Variants in DNAI1 observed in about 807,000 individuals in gnomAD.
The protein encoded by DNAI1 is dynein axonemal intermediate chain 1, also known as dynein, axonemal, intermediate polypeptide 1.
DNAI1 carries 67 observed loss-of-function variants against 92.0 expected under a neutral mutation model. That is an observed-to-expected ratio of 0.73 (90% CI 0.60 to 0.89). The LOEUF (loss-of-function observed/expected upper bound fraction) is 0.89, where lower values mean the gene tolerates loss of function less well. Ranked by LOEUF, DNAI1 falls within the 40% of genes least tolerant of loss-of-function variation. The pLI, the probability that DNAI1 is intolerant of heterozygous loss-of-function variation, is 0.00. For missense variants in DNAI1, 839 were observed against 866.6 expected (o/e 0.97, Z 0.40); for synonymous variants, 323 against 319.6 (o/e 1.01, Z -0.11).
At chr9:34,481,235 T>C (rs1225490595) in intron 1 of DNAI1, among the ~76,000 whole-genome samples, 3 of 152,240 alleles carry the variant, frequency 2.0e-5, no homozygotes, top group African/African-American at 7.2e-5. Context: ...AGAGTGAAAC[T>C]CTGTCTCAAA....
chr9:34,505,883 A>C (rs759814369), intron 12 of DNAI1, among the ~76,000 whole-genome samples: 7 of 152,210 alleles, frequency 4.6e-5, no homozygotes, highest in Non-Finnish European at 1.0e-4. Context: ...CTGGTGGCGG[A>C]AGGGCTGGGA....
chr9:34,506,578 G>T, intron 12 of DNAI1, 49 bp from the exon 13 acceptor site: 1 of 1,613,022 alleles, frequency 6.2e-7, no homozygotes, highest in South Asian at 1.1e-5. Flanking sequence ...GCTTCTCCAG[G>T]CAGGGCAGTT....
intron 6 of DNAI1, 24 bp downstream of exon 6, chr9:34,490,148 T>C (rs1161306773): frequency 6.2e-7 from 1 of 1,613,498 alleles, no homozygotes; most frequent in South Asian, 1.1e-5. Context: ...TCGCTCTGTG[T>C]CCCTCTTCTT....
At chr9:34,506,914 A>T (rs1824946425) in intron 13 of DNAI1, 40 bp downstream of exon 13, 7 of 1,603,460 alleles carry the variant, frequency 4.4e-6, no homozygotes, top group Non-Finnish European at 6.0e-6. Flanking sequence ...TGGGAGCAGC[A>T]TGTGGGCCTG....
At chr9:34,467,573 C>T (rs1824061483) in intron 1 of DNAI1, among the ~76,000 whole-genome samples, 1 of 152,064 alleles carries the variant, frequency 6.6e-6, no homozygotes, top group South Asian at 2.1e-4. Context: ...TTCAAGACTC[C>T]AGTGAGCTAT....
At chr9:34,464,621 A>G (rs1486485120) in intron 1 of DNAI1, among the ~76,000 whole-genome samples, 3 of 152,018 alleles carry the variant, frequency 2.0e-5, no homozygotes, top group Non-Finnish European at 4.4e-5. Context: ...ACGGTTTGTA[A>G]TTATTCACTT....
intron 19 of DNAI1, among the ~76,000 whole-genome samples, chr9:34,517,669 C>T (rs1825195982): frequency 6.6e-6 from 1 of 152,208 alleles, no homozygotes; most frequent in Non-Finnish European, 1.5e-5. Flanking sequence ...TTTGAGTTAC[C>T]TGTGGGGCCC....
chr9:34,489,380 G>A lies in DNAI1; in HGVS notation c.319G>A (p.Val107Ile). Residue 107 changes from valine (V) to isoleucine (I), a missense_variant, in exon 5 of 20, where the codon GTT becomes ATT. Val to Ile is a conservative substitution (Grantham distance 29). Coordinates refer to ENST00000242317, the MANE Select transcript of DNAI1 (RefSeq NM_012144.4). ...VNQLAVHYTQ[V>I]GNLIPKDSDE... is the part of the protein sequence containing the mutation. ...CCAACTGGCAGTTCACTACACCCAG[G>A]TTGGGAACCTGATCCCCAAAGACTC... is the stretch of plus-strand genomic sequence containing the variant. The A allele has an allele frequency of 6.2e-7, 1 of 1,614,068 alleles. No individual in the cohort carries two copies. Among genetic ancestry groups the A allele is most frequent in the Middle Eastern group, 1.7e-4 (1 of 6,060 alleles).
chr9:34,500,055 C>T (rs537079194), intron 10 of DNAI1, among the ~76,000 whole-genome samples: 97 of 151,816 alleles, frequency 6.4e-4, no homozygotes, highest in Non-Finnish European at 1.2e-3. Context: ...TGGAGAGAAG[C>T]GAATGAATTA....
chr9:34,473,110 A>G (rs1824171749), intron 1 of DNAI1, among the ~76,000 whole-genome samples: 1 of 152,060 alleles, frequency 6.6e-6, no homozygotes, highest in South Asian at 2.1e-4. Context: ...TTTTTATTTG[A>G]CAATATGCCT....
intron 16 of DNAI1, 78 bp downstream of exon 16, chr9:34,513,269 C>T (rs917178825): frequency 1.7e-6 from 2 of 1,143,560 alleles, no homozygotes; most frequent in African/African-American, 1.5e-5. Flanking sequence ...CTCAACAGAT[C>T]CTATTTTGAT....
chr9:34,520,675 G>T lies in DNAI1; in HGVS notation c.2019G>T (p.Glu673Asp). The T allele has an allele frequency of 6.4e-7, 1 of 1,551,634 alleles. No individual in the cohort carries two copies. Among genetic ancestry groups the T allele is most frequent in the Non-Finnish European group, 8.7e-7 (1 of 1,146,954 alleles). Residue 673 changes from glutamate to aspartate, a missense_variant, in exon 20 of 20, where the codon GAG becomes GAT. Transcript: ENST00000242317. ...RKMPKEKKGQ[E>D]VQKGPAVEIA... ...CTCCCCAGGAAAAGAAGGGGCAGGA[G>T]GTGCAGAAGGGTCCAGCTGTGGAGA...
chr9:34,462,317 C>G (rs1823966539), intron 1 of DNAI1, among the ~76,000 whole-genome samples: 1 of 152,180 alleles, frequency 6.6e-6, no homozygotes, highest in African/African-American at 2.4e-5. Flanking sequence ...CTGTCTGTGT[C>G]TACTAGTCTA....
chr9:34,493,464 T>C lies in DNAI1; in HGVS notation c.816+136T>C, dbSNP rs554824706. On this transcript the variant is annotated intron_variant, in intron 9 of 19. Transcript: ENST00000242317. ...GGACTAATGTTGAGATATAAATAGT[T>C]CTTTCCTTAGGGGAAGATGTGAGGA... 4.4e-5 allele frequency: 56 copies of C among 1,267,812 alleles called. 1 individual carries two copies. In the South Asian group the frequency reaches 6.4e-4, roughly 15 times the overall value. The allele number at this position is 1,267,812 out of a possible 1,614,324, so 78.5% of individuals were successfully genotyped here.
chr9:34,481,940 C>T (rs1824368302), intron 1 of DNAI1, among the ~76,000 whole-genome samples: 1 of 152,182 alleles, frequency 6.6e-6, no homozygotes, highest in South Asian at 2.1e-4. Flanking sequence ...GGGCAGCCTG[C>T]TTTTATTCTT....
At chr9:34,492,207 G>GT (rs1159951440) in intron 8 of DNAI1, among the ~76,000 whole-genome samples, 6 of 151,924 alleles carry the variant, frequency 3.9e-5, no homozygotes, top group Non-Finnish European at 8.8e-5. Context: ...ATAGGAGACT[G>GT]GGGGGGAGTT....
chr9:34,464,638 G>A (rs1238576369), intron 1 of DNAI1, among the ~76,000 whole-genome samples: 2 of 152,024 alleles, frequency 1.3e-5, no homozygotes, highest in Non-Finnish European at 2.9e-5. Context: ...ACTTATTTGT[G>A]TAATTATTTG....
intron 1 of DNAI1, among the ~76,000 whole-genome samples, chr9:34,482,844 A>C (rs1824392063): frequency 1.3e-5 from 2 of 152,376 alleles, no homozygotes; most frequent in African/African-American, 4.8e-5. Flanking sequence ...CTGGGGCCGC[A>C]CAAGAGCCCA....
chr9:34,497,938 T>C (rs1824758246), intron 10 of DNAI1, among the ~76,000 whole-genome samples: 1 of 151,810 alleles, frequency 6.6e-6, no homozygotes, highest in Admixed American at 6.6e-5. Context: ...GCGGAAGAGG[T>C]TGTTGGAGCC....
Sources: allele counts gnomAD v4.1 joint callset (sites outside exome capture counted in the v4.1 genomes callset), GRCh38; gene constraint gnomAD v4.1.1; transcripts MANE v1.5; gene names NCBI Gene and HGNC (gene_info 2026-07-23, HGNC 2026-07-21).